ENTPD1: variants seen among roughly 807,000 people sequenced by gnomAD.
ENTPD1 encodes the protein ectonucleoside triphosphate diphosphohydrolase 1.
ENTPD1 carries 33 observed loss-of-function variants against 57.0 expected under a neutral mutation model. That is an observed-to-expected ratio of 0.58 (90% CI 0.44 to 0.77). The LOEUF (loss-of-function observed/expected upper bound fraction) is 0.77. ENTPD1 is among the 30% of genes least tolerant of loss of function. The pLI is 0.00. For missense variants in ENTPD1, 501 were observed against 603.4 expected, an observed-to-expected ratio of 0.83 and a Z score of 1.78; for synonymous variants, 202 against 218.8, an observed-to-expected ratio of 0.92 and a Z score of 0.68.
At position 95,730,221 on chromosome 10, in the gene ENTPD1, G is replaced by T. The variant is rs796318759; in HGVS notation, c.37+18228G>T. Reference sequence around the variant, plus strand: ...ACCTCATTAATTTCTGTGTTCTTTTGTTTTTTTTTTTTTGTTACAGACAAG... The same window carrying T: ...ACCTCATTAATTTCTGTGTTCTTTTTTTTTTTTTTTTTTGTTACAGACAAG... On this transcript the variant is annotated intron_variant, in intron 1 of 9. Transcript: ENST00000453258. Among the ~76,000 whole-genome samples, 220 of 141,098 alleles carry T rather than the reference G, an allele frequency of 1.6e-3. 2 individuals are homozygous for T. The East Asian group carries it at 0.036, about 23-fold the overall frequency. The allele number at this position is 141,098 out of a possible 152,430, so 92.6% of individuals were successfully genotyped here.
At chr10:95,701,407 T>C in the ENTPD1 span, among the ~76,000 whole-genome samples, 1 of 152,360 alleles carries the variant, frequency 6.6e-6, no homozygotes, top group East Asian at 1.9e-4. Flanking sequence ...AATGAATCCT[T>C]GTGGATCTAA....
intron 1 of ENTPD1, among the ~76,000 whole-genome samples, chr10:95,715,330 T>G (rs1265681014): frequency 6.6e-6 from 1 of 152,236 alleles, no homozygotes; most frequent in East Asian, 1.9e-4. Flanking sequence ...CTTCCTTGTC[T>G]TAATGTGCCT....
chr10:95,821,646 C>T (rs1054766536), intron 1 of ENTPD1, among the ~76,000 whole-genome samples: 12 of 152,196 alleles, frequency 7.9e-5, no homozygotes, highest in African/African-American at 2.7e-4. Context: ...TTCACCTGCT[C>T]TTCCTTGTTT....
chr10:95,736,462 A>G (rs553496923), intron 1 of ENTPD1, among the ~76,000 whole-genome samples: 2 of 152,330 alleles, frequency 1.3e-5, no homozygotes, highest in African/African-American at 4.8e-5. Context: ...ATGAAAATAC[A>G]TAAAGAAAAA....
intron 1 of ENTPD1, among the ~76,000 whole-genome samples, chr10:95,766,395 C>G (rs117784293): frequency 0.034 from 5,144 of 152,172 alleles, 120 homozygotes; most frequent in Non-Finnish European, 0.049. Context: ...TACTTTTAAC[C>G]TCAATTACGC....
intron 7 of ENTPD1, 88 bp from the exon 8 acceptor site, chr10:95,860,381 C>T (rs2140973418): frequency 9.7e-7 from 1 of 1,035,508 alleles, no homozygotes; most frequent in South Asian, 1.4e-5. Context: ...ACTTTCCAGG[C>T]ACCTGCACAA....
intron 1 of ENTPD1, among the ~76,000 whole-genome samples, chr10:95,789,195 A>T (rs1166914222): frequency 6.6e-6 from 1 of 152,236 alleles, no homozygotes; most frequent in Non-Finnish European, 1.5e-5. Context: ...ATGAGAATTT[A>T]TTGAGAGCCC....
intron 1 of ENTPD1, among the ~76,000 whole-genome samples, chr10:95,770,732 T>C (rs2098113144): frequency 6.6e-6 from 1 of 152,206 alleles, no homozygotes; most frequent in South Asian, 2.1e-4. Flanking sequence ...CAGATCTGTT[T>C]GCAAAACTAA....
At chr10:95,694,895 A>ATTTTTTTTTTTTTT in the ENTPD1 span, among the ~76,000 whole-genome samples, 1 of 98,744 alleles carries the variant, frequency 1.0e-5, no homozygotes, top group Non-Finnish European at 1.9e-5. Context: ...TGAGGAGCTG[A>ATTTTTTTTTTTTTT]TTTTTTTTTT....
chr10:95,805,582 G>A (rs543815168), intron 1 of ENTPD1, among the ~76,000 whole-genome samples: 18 of 152,224 alleles, frequency 1.2e-4, no homozygotes, highest in African/African-American at 3.4e-4. Context: ...TTTCTTTCTC[G>A]TATCGATGGT....
chr10:95,722,802 G>A (rs1227038228), intron 1 of ENTPD1, among the ~76,000 whole-genome samples: 1 of 152,190 alleles, frequency 6.6e-6, no homozygotes, highest in Non-Finnish European at 1.5e-5. Flanking sequence ...TAAATCCCCT[G>A]TTAGGAAATC....
intron 1 of ENTPD1, among the ~76,000 whole-genome samples, chr10:95,773,028 A>G (rs943082139): frequency 6.6e-5 from 10 of 152,174 alleles, no homozygotes; most frequent in African/African-American, 1.9e-4. Context: ...AGGAAGGTGA[A>G]GGGGAGCCAG....
intron 1 of ENTPD1, among the ~76,000 whole-genome samples, chr10:95,735,212 G>T (rs2139860189): frequency 6.6e-6 from 1 of 151,996 alleles, no homozygotes; most frequent in Admixed American, 6.5e-5. Context: ...TGTATTTTTA[G>T]TAGAGACGGG....
chr10:95,804,938 G>C (rs545270006), intron 1 of ENTPD1, among the ~76,000 whole-genome samples: 1 of 152,032 alleles, frequency 6.6e-6, no homozygotes, highest in Non-Finnish European at 1.5e-5. Flanking sequence ...TGAGATAATC[G>C]TGTGGTTTTT....
chr10:95,837,384 T>G (rs1251051612), intron 2 of ENTPD1, among the ~76,000 whole-genome samples: 1 of 152,196 alleles, frequency 6.6e-6, no homozygotes, highest in Non-Finnish European at 1.5e-5. Flanking sequence ...TCTGGGAGGT[T>G]TCTCAAGGGT....
At chr10:95,858,413 T>A (rs1467112530) in intron 7 of ENTPD1, among the ~76,000 whole-genome samples, 1 of 152,094 alleles carries the variant, frequency 6.6e-6, no homozygotes, top group Non-Finnish European at 1.5e-5. Flanking sequence ...TGATTTTTAT[T>A]CTAAGTATAA....
In ENTPD1 at chr10:95,722,689, A is replaced by G. The variant is rs113370990; in HGVS notation, c.37+10696A>G. ...GAGGGTTAGCACTGGGAGATATACCATTGTGGTTTTTTTCTCAATCACCTG... is the reference window on the plus strand; with the variant it reads ...GAGGGTTAGCACTGGGAGATATACCGTTGTGGTTTTTTTCTCAATCACCTG... On this transcript the variant is annotated intron_variant, in intron 1 of 9. Transcript: ENST00000453258. Among the ~76,000 whole-genome samples, 216 of 152,226 alleles carry G rather than the reference A, an allele frequency of 1.4e-3. 1 individual carries two copies. Among genetic ancestry groups the G allele is most frequent in the African/African-American group, 4.8e-3 (200 of 41,530 alleles).
At chr10:95,782,963 T>C (rs528594915) in intron 1 of ENTPD1, among the ~76,000 whole-genome samples, 1 of 152,214 alleles carries the variant, frequency 6.6e-6, no homozygotes, top group South Asian at 2.1e-4. Flanking sequence ...AACATACAGG[T>C]TGGGCAAGTT....
intron 8 of ENTPD1, among the ~76,000 whole-genome samples, chr10:95,862,872 A>T (rs1306171897): frequency 2.6e-5 from 4 of 152,206 alleles, no homozygotes; most frequent in Non-Finnish European, 4.4e-5. Flanking sequence ...AAGGCATCCC[A>T]TTCTTGAAGA....
Sources: gnomAD v4.1 joint callset for allele counts (sites outside exome capture counted in the v4.1 genomes callset) on GRCh38, gnomAD v4.1.1 for gene constraint, MANE v1.5 for transcripts, NCBI Gene and HGNC (gene_info 2026-07-23, HGNC 2026-07-21) for gene names.